KLF9: variants seen among roughly 807,000 people sequenced by gnomAD.
The protein encoded by KLF9 is Krueppel-like factor 9.
In KLF9, 2 loss-of-function variants were observed where a neutral mutation model predicts 17.3. The ratio of observed to expected loss-of-function variants is 0.12; its 90% CI spans 0.05 to 0.36. The LOEUF (loss-of-function observed/expected upper bound fraction) is 0.36. Ranked by LOEUF, KLF9 falls within the 10% of genes least tolerant of loss-of-function variation. The pLI is 1.00. For missense variants in KLF9, 226 were observed against 333.2 expected, an observed-to-expected ratio of 0.68 and a Z score of 2.51; for synonymous variants, 138 against 139.2, an observed-to-expected ratio of 0.99 and a Z score of 0.06.
At chr9:70,389,153 A>C (rs1048941071) in intron 1 of KLF9, among the ~76,000 whole-genome samples, 1 of 152,136 alleles carries the variant, frequency 6.6e-6, no homozygotes, top group Non-Finnish European at 1.5e-5. Context: ...AAAGAAAAAA[A>C]AAAAAGAAAT....
intron 1 of KLF9, among the ~76,000 whole-genome samples, chr9:70,392,132 C>T (rs1286577730): frequency 6.6e-6 from 1 of 152,180 alleles, no homozygotes; most frequent in Non-Finnish European, 1.5e-5. Flanking sequence ...TTGTGGTGAG[C>T]CAAGATCACG....
rs188923183 is a variant in KLF9, at chr9:70,397,296, G to A, written c.506-9291C>T. ...TTGAGACCATCCTGGCCAACATGGT[G>A]AAACCCTGTCTCTACTAAAAATACA... On this transcript the variant is annotated intron_variant, in intron 1 of 1. Coordinates refer to ENST00000377126, the MANE Select transcript of KLF9 (RefSeq NM_001206.4). 3.3e-5 allele frequency among the ~76,000 whole-genome samples: 5 copies of A among 152,142 alleles called. No individual in the cohort carries two copies. In the East Asian group the frequency reaches 9.7e-4, roughly 30 times the overall value.
intron 1 of KLF9, among the ~76,000 whole-genome samples, chr9:70,412,614 C>A (rs968110975): frequency 3.9e-5 from 6 of 152,202 alleles, no homozygotes; most frequent in Admixed American, 3.9e-4. Context: ...CCCGCGAAGC[C>A]ACGCACCGCA....
intron 1 of KLF9, among the ~76,000 whole-genome samples, chr9:70,399,448 GGAAACATAGATAATAAAT>G (rs2037207704): frequency 6.6e-6 from 1 of 152,060 alleles, no homozygotes; most frequent in East Asian, 1.9e-4. Context: ...GCTATTTGTG[GGAAACATAGATAATAAAT>G]ATCTACCTAG....
Position 70,413,459 on chromosome 9 carries a change from C to T in KLF9, c.-96G>A, listed in dbSNP as rs1453089892. The T allele has an allele frequency of 8.1e-7, 1 of 1,234,900 alleles. No homozygotes were observed. Among genetic ancestry groups the T allele is most frequent in the South Asian group, 3.1e-5 (1 of 32,446 alleles). 76.5% of individuals were successfully genotyped at this position (1,234,900 alleles called of 1,614,324 possible). ...CCCTGGCCTCGGACGACGAGCGCGG[C>T]GCGGCGCGGCACGGCGCGGCGGCCA... On this transcript the variant is annotated 5_prime_UTR_variant, in exon 1 of 2. Coordinates refer to ENST00000377126, the MANE Select transcript of KLF9 (RefSeq NM_001206.4). The surrounding 1 kb of genome is among the most constrained non-coding windows in gnomAD (Gnocchi z 5.6).
At chr9:70,396,011 T>C (rs1256769606) in intron 1 of KLF9, among the ~76,000 whole-genome samples, 1 of 152,168 alleles carries the variant, frequency 6.6e-6, no homozygotes, top group Non-Finnish European at 1.5e-5. Flanking sequence ...TAATATTTCA[T>C]ACAAAAATAT....
intron 1 of KLF9, among the ~76,000 whole-genome samples, chr9:70,400,413 G>A (rs1219496756): frequency 1.3e-5 from 2 of 152,140 alleles, no homozygotes; most frequent in East Asian, 3.9e-4. Context: ...AACAAGAGAT[G>A]AGCCCCATGC....
intron 1 of KLF9, among the ~76,000 whole-genome samples, chr9:70,391,775 G>A (rs562794094): frequency 3.7e-4 from 57 of 152,156 alleles, no homozygotes; most frequent in Middle Eastern, 3.4e-3. Flanking sequence ...TCTTATATTC[G>A]GTTTTTACCA....
chr9:70,388,725 C>T (rs897798367), intron 1 of KLF9, among the ~76,000 whole-genome samples: 1 of 152,180 alleles, frequency 6.6e-6, no homozygotes, highest in Non-Finnish European at 1.5e-5. Context: ...CCCTGAGCTC[C>T]TGAGTGCAGG....
chr9:70,407,517 T>A (rs1020930772), intron 1 of KLF9, among the ~76,000 whole-genome samples: 1 of 152,248 alleles, frequency 6.6e-6, no homozygotes, highest in African/African-American at 2.4e-5. Flanking sequence ...ACTCCACTTA[T>A]GTTTTCTATC....
chr9:70,387,785 G>A lies in KLF9; in HGVS notation c.726C>T (p.Asn242=), dbSNP rs140753874. The A allele has an allele frequency of 6.2e-4, 996 of 1,613,882 alleles. No individual in the cohort carries two copies. Among genetic ancestry groups the A allele is most frequent in the Non-Finnish European group, 8.0e-4 (942 of 1,179,954 alleles). ...MIKRSKKALA[N]AL is the part of the protein sequence containing the mutation. The stretch of plus-strand genomic sequence containing the variant: ...TTCCACGGGCAGCACCTCACAAAGC[G>A]TTGGCCAGCGCCTTTTTCGATCGCT... The change falls in exon 2 of 2, where the codon AAC becomes AAT. Residue 242 remains asparagine (N), a synonymous_variant. Coordinates refer to ENST00000377126, the MANE Select transcript of KLF9 (RefSeq NM_001206.4).
chr9:70,390,750 G>T (rs927592772), intron 1 of KLF9, among the ~76,000 whole-genome samples: 2 of 152,062 alleles, frequency 1.3e-5, no homozygotes, highest in Admixed American at 1.3e-4. Flanking sequence ...AGCTATTGCA[G>T]AATTAGACTG....
chr9:70,405,339 T>C (rs1360366404), intron 1 of KLF9, among the ~76,000 whole-genome samples: 1 of 152,196 alleles, frequency 6.6e-6, no homozygotes, highest in African/African-American at 2.4e-5. Context: ...TTTCAAATCC[T>C]TGTCACTAAT....
chr9:70,394,298 T>TACACACACACAC (rs61688107), intron 1 of KLF9, among the ~76,000 whole-genome samples: 10,282 of 150,302 alleles, frequency 0.068, 441 homozygotes, highest in Admixed American at 0.12. Flanking sequence ...TAACAGCTCA[T>TACACACACACAC]ACACACACAC....
In KLF9 at chr9:70,405,016, G is replaced by C. The variant is rs186909689; in HGVS notation, c.505+7843C>G. 1.1e-4 allele frequency among the ~76,000 whole-genome samples: 16 copies of C among 152,276 alleles called. No homozygotes were observed. In the East Asian group the frequency reaches 3.1e-3, roughly 29 times the overall value. On this transcript the variant is annotated intron_variant, in intron 1 of 1. Transcript: ENST00000377126. ...GTTCCTCAGTTTGACTGTTCAATATGAAATAGGTCAGGCCTTACTCTTCAT... is the reference window on the plus strand; with the variant it reads ...GTTCCTCAGTTTGACTGTTCAATATCAAATAGGTCAGGCCTTACTCTTCAT...
intron 1 of KLF9, among the ~76,000 whole-genome samples, chr9:70,411,443 A>G (rs999008484): frequency 2.6e-5 from 4 of 152,296 alleles, no homozygotes; most frequent in South Asian, 2.1e-4. Context: ...CCTTTCAGCA[A>G]CCTTACAGAT....
intron 1 of KLF9, 98 bp downstream of exon 1, chr9:70,412,761 C>G (rs2037334103): frequency 8.8e-7 from 1 of 1,134,226 alleles, no homozygotes; most frequent in African/African-American, 1.6e-5. Flanking sequence ...ATGTTTGCAC[C>G]CTTTCGGCCG....
In KLF9 at chr9:70,386,665, AC is replaced by A. The variant is rs2037112497; in HGVS notation, c.*1110del. On this transcript the variant is annotated 3_prime_UTR_variant, in exon 2 of 2. Transcript: ENST00000377126. The stretch of plus-strand genomic sequence containing the variant: ...ACTGTTATGCACACATTCAAATAAA[AC>A]CCAACAGAGTCAAAAGCTCTCTCCC... 2 of 152,650 alleles carry A rather than the reference AC, an allele frequency of 1.3e-5. No individual in the cohort carries two copies. The highest frequency in any genetic ancestry group is 1.3e-4 in the Admixed American group (2 of 15,288). The allele number at this position is 152,650 out of a possible 1,614,324, so 9.5% of individuals were successfully genotyped here.
In KLF9 at chr9:70,413,850, T is replaced by C. The variant is rs1056448; in HGVS notation, c.-487A>G. ...ATCACCCCGACGCGGGTGGCGAGGG[T>C]CCCGCCGAGCGCCAGGTCTAAGAGA... On this transcript the variant is annotated 5_prime_UTR_variant, in exon 1 of 2. Transcript: ENST00000377126. The surrounding 1 kb of genome is among the most constrained non-coding windows in gnomAD (Gnocchi z 5.6). 0.35 allele frequency: 52,781 copies of C among 152,550 alleles called. 10,317 individuals carry two copies. Among genetic ancestry groups the C allele is most frequent in the Non-Finnish European group, 0.44 (29,964 of 68,078 alleles). 9.4% of individuals were successfully genotyped at this position (152,550 alleles called of 1,614,324 possible). A position where few individuals can be genotyped will look rare whatever the true frequency, so the allele number is the denominator to read the frequency against.
Sources: gnomAD v4.1 joint callset for allele counts (sites outside exome capture counted in the v4.1 genomes callset) on GRCh38, gnomAD v4.1.1 for gene constraint, Gnocchi (gnomAD v3.1) non-coding constraint, MANE v1.5 for transcripts, NCBI Gene and HGNC (gene_info 2026-07-23, HGNC 2026-07-21) for gene names.